The following CDH13 variants were observed in gnomAD, a reference collection of about 807,000 sequenced individuals.
The protein encoded by CDH13 is cadherin-13.
A neutral mutation model predicts 63.8 loss-of-function variants in CDH13; 24 were observed. That is an observed-to-expected ratio of 0.38 (90% CI 0.27 to 0.53). The LOEUF is 0.53. Ranked by LOEUF, CDH13 falls within the 20% of genes least tolerant of loss-of-function variation. The pLI, the probability that CDH13 is intolerant of heterozygous loss-of-function variation, is 0.85. For missense variants in CDH13, 1,049 were observed against 903.1 expected (o/e 1.16, Z -2.07); for synonymous variants, 503 against 355.3 (o/e 1.42, Z -4.67).
intron 10 of CDH13, among the ~76,000 whole-genome samples, chr16:83,727,859 G>C (rs1182978841): frequency 6.6e-6 from 1 of 152,130 alleles, no homozygotes; most frequent in Non-Finnish European, 1.5e-5. Context: ...GGCGTTGGCG[G>C]GGAGGGCAGC....
At chr16:83,130,359 G>A (rs1473904280) in intron 4 of CDH13, among the ~76,000 whole-genome samples, 1 of 152,200 alleles carries the variant, frequency 6.6e-6, no homozygotes, top group African/African-American at 2.4e-5. Context: ...AGATTTCAAA[G>A]TCTGTGCTCT....
chr16:82,911,404 C>T (rs1224067849), intron 2 of CDH13, among the ~76,000 whole-genome samples: 1 of 152,162 alleles, frequency 6.6e-6, no homozygotes, highest in Non-Finnish European at 1.5e-5. Flanking sequence ...CTGTGACATC[C>T]AAAGCCTCTT....
At chr16:83,786,442 G>A (rs1915884735) in intron 13 of CDH13, among the ~76,000 whole-genome samples, 1 of 152,202 alleles carries the variant, frequency 6.6e-6, no homozygotes, top group Non-Finnish European at 1.5e-5. Context: ...TGAGCTTGAG[G>A]AATAGGGCGT....
intron 10 of CDH13, chr16:83,735,725 C>T (rs1056775079): frequency 6.6e-5 from 10 of 152,148 alleles, no homozygotes; most frequent in Non-Finnish European, 1.5e-4. Flanking sequence ...ACTGGTGCAT[C>T]TTTGGGATGG....
intron 5 of CDH13, among the ~76,000 whole-genome samples, chr16:83,296,130 C>G (rs1245162174): frequency 6.6e-6 from 1 of 152,158 alleles, no homozygotes; most frequent in Non-Finnish European, 1.5e-5. Flanking sequence ...TCTTAGCATT[C>G]TTTTCTCAGA....
intron 7 of CDH13, among the ~76,000 whole-genome samples, chr16:83,570,841 T>TA (rs1217938825): frequency 2.0e-4 from 10 of 50,074 alleles, no homozygotes; most frequent in African/African-American, 3.9e-4. Flanking sequence ...AATTTATATT[T>TA]TTATATATAT....
At chr16:83,340,474 T>G (rs2090697160) in intron 5 of CDH13, among the ~76,000 whole-genome samples, 1 of 152,204 alleles carries the variant, frequency 6.6e-6, no homozygotes, top group South Asian at 2.1e-4. Flanking sequence ...GGAGCTTATT[T>G]TATTTTCCTA....
intron 10 of CDH13, among the ~76,000 whole-genome samples, chr16:83,745,408 C>T (rs1489370192): frequency 6.6e-6 from 1 of 152,224 alleles, no homozygotes; most frequent in African/African-American, 2.4e-5. Context: ...AAATTTACAA[C>T]AGCGCTGTAT....
intron 1 of CDH13, among the ~76,000 whole-genome samples, chr16:82,634,716 T>C (rs1328899113): frequency 6.6e-6 from 1 of 152,222 alleles, no homozygotes; most frequent in Admixed American, 6.5e-5. Context: ...TTCCTGACTC[T>C]TTATCTAACT....
chr16:83,190,536 A>C (rs1386076604), intron 4 of CDH13, among the ~76,000 whole-genome samples: 1 of 152,230 alleles, frequency 6.6e-6, no homozygotes, highest in Non-Finnish European at 1.5e-5. Flanking sequence ...TGTTCTAGGT[A>C]CATATGATGG....
Position 83,800,103 on chromosome 16 carries a change from T to A in CDH13, c.*5073T>A, listed in dbSNP as rs985076499. 6.6e-6 allele frequency: 1 copy of A among 152,198 alleles called. No individual in the cohort carries two copies. The highest frequency in any genetic ancestry group is 2.4e-5 in the African/African-American group (1 of 41,458). 9.4% of individuals were successfully genotyped at this position (152,198 alleles called of 1,614,324 possible). A position where few individuals can be genotyped will look rare whatever the true frequency, so the allele number is the denominator to read the frequency against. Reference sequence around the variant, plus strand: ...TTGATACGCCTTTGAACCATTTTATTTGACTTTCCACGTGCCGTCTCATTG... The same window carrying A: ...TTGATACGCCTTTGAACCATTTTATATGACTTTCCACGTGCCGTCTCATTG... On this transcript the variant is annotated 3_prime_UTR_variant, in exon 14 of 14. Transcript: ENST00000567109.
intron 7 of CDH13, among the ~76,000 whole-genome samples, chr16:83,594,035 C>T (rs1278808543): frequency 6.6e-6 from 1 of 152,196 alleles, no homozygotes; most frequent in East Asian, 1.9e-4. Flanking sequence ...GCTTAATGGG[C>T]ACTCACAGAG....
intron 1 of CDH13, among the ~76,000 whole-genome samples, chr16:82,760,992 C>T (rs962944174): frequency 7.3e-6 from 1 of 136,622 alleles, no homozygotes; most frequent in Admixed American, 7.9e-5. Context: ...CCACCTCCAA[C>T]TCTGGGGTTC....
chr16:83,498,802 G>T (rs1567713946), intron 7 of CDH13, among the ~76,000 whole-genome samples: 1 of 152,140 alleles, frequency 6.6e-6, no homozygotes, highest in Non-Finnish European at 1.5e-5. Context: ...TGAAGTTTTG[G>T]TGGAACTTTC....
intron 2 of CDH13, among the ~76,000 whole-genome samples, chr16:82,895,323 G>A (rs781442547): frequency 2.0e-5 from 3 of 152,064 alleles, no homozygotes; most frequent in Non-Finnish European, 4.4e-5. Context: ...GTCCTTCCCT[G>A]GCTTGTTACC....
At chr16:82,666,284 T>C (rs1912574479) in intron 1 of CDH13, among the ~76,000 whole-genome samples, 2 of 152,238 alleles carry the variant, frequency 1.3e-5, no homozygotes, top group Admixed American at 6.5e-5. Flanking sequence ...TTGTACCAAT[T>C]ATGCCACAGG....
At chr16:82,651,333 A>G (rs1367309189) in intron 1 of CDH13, among the ~76,000 whole-genome samples, 6 of 152,216 alleles carry the variant, frequency 3.9e-5, no homozygotes, top group Non-Finnish European at 8.8e-5. Context: ...TCTACAGCCT[A>G]TAGGGCACAC....
chr16:83,055,176 C>T (rs2030788394), intron 3 of CDH13, among the ~76,000 whole-genome samples: 1 of 151,534 alleles, frequency 6.6e-6, no homozygotes, highest in Non-Finnish European at 1.5e-5. Context: ...CTTGAGAATC[C>T]AGATAAAGTA....
At chr16:83,486,703 C>T (rs1406603454) in intron 7 of CDH13, 48 bp downstream of exon 7, 16 of 1,567,302 alleles carry the variant, frequency 1.0e-5, no homozygotes, top group Admixed American at 1.7e-5. Flanking sequence ...TAGAATGTGG[C>T]TTTCATGCAA....
Sources: gnomAD v4.1 joint callset for allele counts (sites outside exome capture counted in the v4.1 genomes callset) on GRCh38, gnomAD v4.1.1 for gene constraint, MANE v1.5 for transcripts, NCBI Gene and HGNC (gene_info 2026-07-23, HGNC 2026-07-21) for gene names.